The following DPYD variants were observed in gnomAD, a reference collection of about 807,000 sequenced individuals.
The protein encoded by DPYD is dihydropyrimidine dehydrogenase [NADP(+)].
DPYD carries 109 observed loss-of-function variants against 116.2 expected under a neutral mutation model. That is an observed-to-expected ratio of 0.94 (90% CI 0.80 to 1.10). The LOEUF is 1.10. DPYD is among the 50% of genes least tolerant of loss of function. The pLI, the probability that DPYD is intolerant of heterozygous loss-of-function variation, is 0.00. For synonymous variants in DPYD, 440 were observed against 432.0 expected (o/e 1.02, Z -0.23); for missense variants, 1,302 against 1,254.5 (o/e 1.04, Z -0.57).
At chr1:97,822,649 T>C (rs900374000) in intron 3 of DPYD, among the ~76,000 whole-genome samples, 1 of 152,078 alleles carries the variant, frequency 6.6e-6, no homozygotes, top group African/African-American at 2.4e-5. Flanking sequence ...CACAATCCTT[T>C]CCTTAAATGC....
At chr1:97,352,345 C>G (rs928439505) in intron 16 of DPYD, among the ~76,000 whole-genome samples, 13 of 152,164 alleles carry the variant, frequency 8.5e-5, no homozygotes, top group African/African-American at 3.1e-4. Flanking sequence ...GGCCTGCTAC[C>G]TAATAGTTGC....
intron 8 of DPYD, among the ~76,000 whole-genome samples, chr1:97,671,255 C>T (rs1288428580): frequency 6.6e-6 from 1 of 152,052 alleles, no homozygotes; most frequent in Non-Finnish European, 1.5e-5. Flanking sequence ...GTAAAGACTT[C>T]TACGAGTAGA....
chr1:97,549,596 T>A lies in DPYD; in HGVS notation c.1488A>T (p.Gly496=). The change falls in exon 12 of 23, where the codon GGA becomes GGT. Residue 496 remains glycine, a synonymous_variant. Transcript: ENST00000370192. ...ANTTVESVND[G]KQASWYIHKY... is the part of the protein sequence containing the mutation. ...TGTGAATGTACCAAGAAGCTTGCTT[T>A]CCATCATTCACCGATTCCACTGTAG... 1 of 1,613,862 alleles carries A rather than the reference T, an allele frequency of 6.2e-7. No homozygotes were observed. The highest frequency in any genetic ancestry group is 8.5e-7 in the Non-Finnish European group (1 of 1,179,840).
intron 13 of DPYD, among the ~76,000 whole-genome samples, chr1:97,505,978 AG>A (rs1447274730): frequency 1.3e-5 from 2 of 151,990 alleles, no homozygotes; most frequent in African/African-American, 4.8e-5. Flanking sequence ...GGTGTGTGAT[AG>A]GGCAGTTTGA....
chr1:97,745,083 T>A (rs1294050956), intron 3 of DPYD, among the ~76,000 whole-genome samples: 1 of 152,060 alleles, frequency 6.6e-6, no homozygotes, highest in African/African-American at 2.4e-5. Flanking sequence ...CTCTTAATAA[T>A]CCATTAACAG....
chr1:97,192,710 G>T (rs1452968607), intron 20 of DPYD, among the ~76,000 whole-genome samples: 2 of 152,104 alleles, frequency 1.3e-5, no homozygotes, highest in Admixed American at 1.3e-4. Context: ...TGATTTGATT[G>T]TCTTGAAAAT....
At chr1:97,117,386 G>A (rs1407468625) in intron 20 of DPYD, among the ~76,000 whole-genome samples, 1 of 152,178 alleles carries the variant, frequency 6.6e-6, no homozygotes, top group African/African-American at 2.4e-5. Flanking sequence ...AGAACCATAT[G>A]CTAAAGCAAA....
intron 12 of DPYD, among the ~76,000 whole-genome samples, chr1:97,532,805 T>C (rs961835400): frequency 3.3e-5 from 5 of 151,958 alleles, no homozygotes; most frequent in Non-Finnish European, 7.4e-5. Context: ...TGAAAAACAA[T>C]TCTTAATTTT....
chr1:97,387,343 G>A (rs965137389), intron 14 of DPYD, among the ~76,000 whole-genome samples: 13 of 152,120 alleles, frequency 8.5e-5, no homozygotes, highest in South Asian at 4.1e-4. Flanking sequence ...TAGCATTTTC[G>A]TGTATTCAAC....
chr1:97,480,349 G>A (rs1678229904), intron 13 of DPYD, among the ~76,000 whole-genome samples: 1 of 152,008 alleles, frequency 6.6e-6, no homozygotes, highest in Non-Finnish European at 1.5e-5. Flanking sequence ...GATGACCGAT[G>A]GAAACTGACA....
In DPYD at chr1:97,787,328, A is replaced by G. The variant is rs569302101; in HGVS notation, c.233+40786T>C. ...AGACTTTTATCCTAAACAGTGAAAT[A>G]GATCATAATGAAAACACTTTGGAAA... On this transcript the variant is annotated intron_variant, in intron 3 of 22. Coordinates refer to ENST00000370192, the MANE Select transcript of DPYD (RefSeq NM_000110.4). Among the ~76,000 whole-genome samples, 3 of 152,352 alleles carry G rather than the reference A, an allele frequency of 2.0e-5. No homozygotes were observed. The East Asian group carries it at 5.8e-4, about 29-fold the overall frequency.
At chr1:97,629,118 T>C (rs1294855289) in intron 8 of DPYD, among the ~76,000 whole-genome samples, 2 of 152,066 alleles carry the variant, frequency 1.3e-5, no homozygotes, top group African/African-American at 2.4e-5. Context: ...TTTATTTGAT[T>C]TTCTGTTTTC....
At chr1:97,537,497 C>A (rs948868019) in intron 12 of DPYD, among the ~76,000 whole-genome samples, 57 of 151,430 alleles carry the variant, frequency 3.8e-4, no homozygotes, top group African/African-American at 1.4e-3. Context: ...TTAAAGATAG[C>A]AGAAAGACAA....
At chr1:97,305,518 T>C in intron 17 of DPYD, 140 bp from the exon 18 acceptor site, 1 of 1,128,998 alleles carries the variant, frequency 8.9e-7, no homozygotes, top group Non-Finnish European at 1.3e-6. Context: ...TTCACTAATT[T>C]AACTCCTACA....
At chr1:97,730,230 GTCT>G (rs1344685076) in intron 4 of DPYD, among the ~76,000 whole-genome samples, 1 of 151,762 alleles carries the variant, frequency 6.6e-6, no homozygotes, top group Non-Finnish European at 1.5e-5. Flanking sequence ...ACTACTTATC[GTCT>G]TCTTTTTAGA....
chr1:97,545,986 T>C (rs1650822490), intron 12 of DPYD: 7 of 1,325,592 alleles, frequency 5.3e-6, no homozygotes, highest in Non-Finnish European at 7.6e-6. Flanking sequence ...GAAGAGGTTA[T>C]GGCTGTCCTT....
rs560810980 is a variant in DPYD, at chr1:97,678,678, C to T, written c.850+417G>A. On this transcript the variant is annotated intron_variant, in intron 8 of 22. Coordinates refer to ENST00000370192, the MANE Select transcript of DPYD (RefSeq NM_000110.4). ...AAAAATTCAACCAAATAAGAAAAGT[C>T]TTTAGAAAATTTTGGAAAATGAATA... Among the ~76,000 whole-genome samples, 3 of 152,212 alleles carry T rather than the reference C, an allele frequency of 2.0e-5. No homozygotes were observed. The South Asian group carries it at 6.2e-4, about 32-fold the overall frequency.
chr1:97,623,911 G>T (rs1656775347), intron 8 of DPYD, among the ~76,000 whole-genome samples: 1 of 151,848 alleles, frequency 6.6e-6, no homozygotes, highest in Admixed American at 6.6e-5. Context: ...AAGTACTATT[G>T]GGAAAACTGG....
chr1:97,881,807 A>G (rs1464261668), intron 2 of DPYD, among the ~76,000 whole-genome samples: 1 of 151,758 alleles, frequency 6.6e-6, no homozygotes, highest in African/African-American at 2.4e-5. Context: ...TAGGCTTGAT[A>G]GTCTTTAAGG....
Sources: gnomAD v4.1 joint callset for allele counts (sites outside exome capture counted in the v4.1 genomes callset) on GRCh38, gnomAD v4.1.1 for gene constraint, MANE v1.5 for transcripts, NCBI Gene and HGNC (gene_info 2026-07-23, HGNC 2026-07-21) for gene names.